Variants in ZBTB8A observed in about 807,000 individuals in gnomAD.
ZBTB8A encodes the protein zinc finger and BTB domain-containing protein 8A.
In ZBTB8A, 19 loss-of-function variants were observed where a neutral mutation model predicts 37.8. The ratio of observed to expected loss-of-function variants is 0.50; its 90% CI spans 0.35 to 0.74. ZBTB8A has a LOEUF of 0.74. ZBTB8A is among the 30% of genes least tolerant of loss of function. ZBTB8A has a pLI of 0.01. For synonymous variants in ZBTB8A, 181 were observed against 185.2 expected (o/e 0.98, Z 0.19); for missense variants, 394 against 537.8 (o/e 0.73, Z 2.65).
At chr1:32,548,815 T>A (rs1309663398) in intron 1 of ZBTB8A, among the ~76,000 whole-genome samples, 1 of 152,234 alleles carries the variant, frequency 6.6e-6, no homozygotes, top group African/African-American at 2.4e-5. Context: ...GATTAGCTTC[T>A]AATATTCTCC....
chr1:32,586,453 TTC>T (rs1644450380), intron 2 of ZBTB8A, among the ~76,000 whole-genome samples: 1 of 152,164 alleles, frequency 6.6e-6, no homozygotes, highest in Non-Finnish European at 1.5e-5. Flanking sequence ...GCAAAGTCTC[TTC>T]TCTCTTGGAC....
chr1:32,554,165 A>C (rs1293547364), intron 2 of ZBTB8A, among the ~76,000 whole-genome samples: 1 of 144,868 alleles, frequency 6.9e-6, no homozygotes, highest in Non-Finnish European at 1.5e-5. Context: ...ACACCAGTGC[A>C]CTCCAGCCTG....
chr1:32,567,660 T>C (rs1399682645), intron 2 of ZBTB8A, among the ~76,000 whole-genome samples: 1 of 149,344 alleles, frequency 6.7e-6, no homozygotes, highest in Admixed American at 6.7e-5. Flanking sequence ...GGTGTGATGG[T>C]GGGCGCCTGT....
intron 1 of ZBTB8A, among the ~76,000 whole-genome samples, chr1:32,543,837 C>A (rs946755627): frequency 1.3e-5 from 2 of 151,866 alleles, no homozygotes; most frequent in African/African-American, 4.8e-5. Context: ...CCACCATGCC[C>A]GGCTAATTTT....
chr1:32,598,833 A>G (rs982020418), intron 4 of ZBTB8A, among the ~76,000 whole-genome samples: 4 of 152,110 alleles, frequency 2.6e-5, no homozygotes, highest in Admixed American at 2.0e-4. Context: ...GCAAGCAAAG[A>G]TAATACTAGG....
chr1:32,545,629 T>C (rs1195233252), intron 1 of ZBTB8A, among the ~76,000 whole-genome samples: 11 of 152,274 alleles, frequency 7.2e-5, no homozygotes, highest in Non-Finnish European at 2.9e-5. Context: ...TTACATACTT[T>C]TCTAGTTTCA....
chr1:32,575,471 C>T (rs1256942767), intron 2 of ZBTB8A, among the ~76,000 whole-genome samples: 4 of 151,754 alleles, frequency 2.6e-5, no homozygotes, highest in African/African-American at 7.2e-5. Flanking sequence ...ATGATCTGCC[C>T]GCCTCAGCCT....
chr1:32,557,809 C>T (rs1644214323), intron 2 of ZBTB8A, among the ~76,000 whole-genome samples: 2 of 152,090 alleles, frequency 1.3e-5, no homozygotes, highest in African/African-American at 2.4e-5. Context: ...CTTTCAAATG[C>T]CACCCTCTGT....
In ZBTB8A at chr1:32,557,695, G is replaced by T. The variant is rs547451723; in HGVS notation, c.-2+4155G>T. 6.6e-5 allele frequency among the ~76,000 whole-genome samples: 10 copies of T among 152,114 alleles called. No individual in the cohort carries two copies. The South Asian group carries it at 2.1e-3, about 32-fold the overall frequency. ...GCCCAGGCTAGTCTCAAACTCCTGA[G>T]CTCAAACATCTACCTGCTTCAGCCT... On this transcript the variant is annotated intron_variant, in intron 2 of 4. Coordinates refer to ENST00000373510, the MANE Select transcript of ZBTB8A (RefSeq NM_001040441.3).
chr1:32,562,735 C>CG (rs1475521720), intron 2 of ZBTB8A, among the ~76,000 whole-genome samples: 1 of 151,854 alleles, frequency 6.6e-6, no homozygotes. Flanking sequence ...GTGCCCACCA[C>CG]CACACCCAGC....
chr1:32,581,642 G>A (rs1324734056), intron 2 of ZBTB8A, among the ~76,000 whole-genome samples: 2 of 151,968 alleles, frequency 1.3e-5, no homozygotes, highest in Admixed American at 6.6e-5. Context: ...GTGAGCCACC[G>A]TCCCCAGCCT....
At position 32,602,157 on chromosome 1, in the gene ZBTB8A, C is replaced by T. The variant is rs139407329; in HGVS notation, c.*1738C>T. 5,827 of 152,008 alleles carry T rather than the reference C, an allele frequency of 0.038. 231 individuals are homozygous for T. Among genetic ancestry groups the T allele is most frequent in the Admixed American group, 0.11 (1,678 of 15,232 alleles). 9.4% of individuals were successfully genotyped at this position (152,008 alleles called of 1,614,324 possible). On this transcript the variant is annotated 3_prime_UTR_variant, in exon 5 of 5. Transcript: ENST00000373510. ...CAGCCTGACCAACATGGAGAAACCC[C>T]GTCTCTACTAAAAATACAAAATTAG...
chr1:32,565,176 A>T (rs747101847), intron 2 of ZBTB8A, among the ~76,000 whole-genome samples: 16 of 152,076 alleles, frequency 1.1e-4, no homozygotes, highest in Non-Finnish European at 2.1e-4. Flanking sequence ...AAAAAAACAC[A>T]AACATTAACC....
chr1:32,600,453 C>A lies in ZBTB8A; in HGVS notation c.*34C>A. On this transcript the variant is annotated 3_prime_UTR_variant, in exon 5 of 5. Transcript: ENST00000373510. ...TGAACCAACAGAGCTGGCATGTCTG[C>A]AATTTACATTGACTTCCTGTATCTC... 6.8e-7 allele frequency: 1 copy of A among 1,479,188 alleles called. No homozygotes were observed. Among genetic ancestry groups the A allele is most frequent in the Admixed American group, 1.8e-5 (1 of 54,256 alleles). The allele number at this position is 1,479,188 out of a possible 1,614,324, so 91.6% of individuals were successfully genotyped here.
chr1:32,562,998 G>A (rs1644254865), intron 2 of ZBTB8A, among the ~76,000 whole-genome samples: 1 of 152,088 alleles, frequency 6.6e-6, no homozygotes, highest in African/African-American at 2.4e-5. Context: ...CTGCATTTGG[G>A]ATTTAGGTTT....
At chr1:32,569,115 C>T (rs544274285) in intron 2 of ZBTB8A, among the ~76,000 whole-genome samples, 25 of 152,122 alleles carry the variant, frequency 1.6e-4, no homozygotes, top group Non-Finnish European at 2.9e-5. Context: ...ACATCCTTGC[C>T]AACATTTGGT....
At chr1:32,557,796 A>T (rs1461099370) in intron 2 of ZBTB8A, among the ~76,000 whole-genome samples, 1 of 152,074 alleles carries the variant, frequency 6.6e-6, no homozygotes, top group African/African-American at 2.4e-5. Flanking sequence ...CAGTTATTAA[A>T]ATCTTTCAAA....
chr1:32,601,722 A>T lies in ZBTB8A; in HGVS notation c.*1303A>T. 2.5e-6 allele frequency: 1 copy of T among 398,540 alleles called. No individual in the cohort carries two copies. The highest frequency in any genetic ancestry group is 4.4e-6 in the Non-Finnish European group (1 of 226,022). 24.7% of individuals were successfully genotyped at this position (398,540 alleles called of 1,614,324 possible). ...CTCCCTGTATGTCTCCTGAAATGGC[A>T]AAGAATAGAAGTCAAACCTCACCAG... On this transcript the variant is annotated 3_prime_UTR_variant, in exon 5 of 5. Coordinates refer to ENST00000373510, the MANE Select transcript of ZBTB8A (RefSeq NM_001040441.3).
chr1:32,551,648 G>T (rs899761906), intron 1 of ZBTB8A, among the ~76,000 whole-genome samples: 1 of 152,178 alleles, frequency 6.6e-6, no homozygotes, highest in African/African-American at 2.4e-5. Flanking sequence ...GGCAGAGTTT[G>T]TGGTGAGCCA....
Sources: gnomAD v4.1 joint callset for allele counts (sites outside exome capture counted in the v4.1 genomes callset) on GRCh38, gnomAD v4.1.1 for gene constraint, MANE v1.5 for transcripts, NCBI Gene and HGNC (gene_info 2026-07-23, HGNC 2026-07-21) for gene names.